The following CDH13 variants were observed in gnomAD, a reference collection of about 807,000 sequenced individuals.
CDH13 encodes cadherin 13.
A neutral mutation model predicts 63.8 loss-of-function variants in CDH13; 24 were observed. The observed-to-expected ratio is 0.38, with a 90% CI of 0.27 to 0.53. CDH13 has a LOEUF of 0.53. Ranked by LOEUF, CDH13 falls within the 20% of genes least tolerant of loss-of-function variation. The pLI, the probability that CDH13 is intolerant of heterozygous loss-of-function variation, is 0.85. For missense variants in CDH13, 1,049 were observed against 903.1 expected, an observed-to-expected ratio of 1.16 and a Z score of -2.07; for synonymous variants, 503 against 355.3, an observed-to-expected ratio of 1.42 and a Z score of -4.67.
chr16:82,628,613 T>A (rs982016500), intron 1 of CDH13, among the ~76,000 whole-genome samples: 2 of 152,196 alleles, frequency 1.3e-5, no homozygotes, highest in African/African-American at 2.4e-5. Flanking sequence ...GATTAAGGAC[T>A]GCCCAGTTAT....
intron 10 of CDH13, among the ~76,000 whole-genome samples, chr16:83,682,584 G>A (rs796766080): frequency 5.9e-5 from 9 of 152,118 alleles, no homozygotes; most frequent in African/African-American, 1.9e-4. Context: ...TTGGCTGTGC[G>A]GTCACCACAG....
chr16:83,567,164 A>T (rs1031623208), intron 7 of CDH13, among the ~76,000 whole-genome samples: 2 of 152,240 alleles, frequency 1.3e-5, no homozygotes, highest in Admixed American at 1.3e-4. Context: ...AGCCAGGCTT[A>T]GCTGCCACTC....
chr16:83,662,728 G>C (rs114405061), intron 8 of CDH13, among the ~76,000 whole-genome samples: 193 of 152,242 alleles, frequency 1.3e-3, no homozygotes, highest in African/African-American at 4.5e-3. Context: ...CCATCAAAGG[G>C]ACCACTCACC....
At chr16:82,672,643 C>T (rs1200295437) in intron 1 of CDH13, among the ~76,000 whole-genome samples, 1 of 152,108 alleles carries the variant, frequency 6.6e-6, no homozygotes, top group Non-Finnish European at 1.5e-5. Context: ...TTATTTCCTC[C>T]TCCATCTGCC....
At chr16:83,277,276 C>G (rs2089021566) in intron 5 of CDH13, among the ~76,000 whole-genome samples, 1 of 152,182 alleles carries the variant, frequency 6.6e-6, no homozygotes, top group Admixed American at 6.5e-5. Flanking sequence ...ATGTTTTCAC[C>G]TTCTCAGGGC....
intron 5 of CDH13, among the ~76,000 whole-genome samples, chr16:83,255,940 C>T (rs1050874582): frequency 6.6e-6 from 1 of 152,104 alleles, no homozygotes; most frequent in African/African-American, 2.4e-5. Context: ...GAGTTGGCAG[C>T]TTGATTATGG....
chr16:83,667,868 G>A (rs551904425), intron 8 of CDH13, among the ~76,000 whole-genome samples: 1 of 152,026 alleles, frequency 6.6e-6, no homozygotes, highest in Admixed American at 6.6e-5. Flanking sequence ...TCACTATGTT[G>A]CCCAGGCTCA....
chr16:83,692,446 A>C (rs1472122190), intron 10 of CDH13, among the ~76,000 whole-genome samples: 1 of 152,128 alleles, frequency 6.6e-6, no homozygotes, highest in African/African-American at 2.4e-5. Context: ...TGCCTGCTGG[A>C]CATCCACCTG....
chr16:83,133,963 C>T (rs1463747914), intron 4 of CDH13, among the ~76,000 whole-genome samples: 4 of 152,220 alleles, frequency 2.6e-5, no homozygotes, highest in African/African-American at 9.6e-5. Context: ...CAAATATTCT[C>T]TGAATTGAAT....
chr16:82,870,348 C>T (rs1180109179), intron 2 of CDH13, among the ~76,000 whole-genome samples: 2 of 152,042 alleles, frequency 1.3e-5, no homozygotes, highest in Non-Finnish European at 2.9e-5. Flanking sequence ...GAAAAGGAAA[C>T]CCTCATACAC....
chr16:82,737,592 G>A (rs936438465), intron 1 of CDH13, among the ~76,000 whole-genome samples: 6 of 152,216 alleles, frequency 3.9e-5, no homozygotes, highest in African/African-American at 1.4e-4. Context: ...TGCAGAGAAG[G>A]TTTATAGTGT....
At chr16:82,846,642 C>G (rs183538434) in intron 1 of CDH13, among the ~76,000 whole-genome samples, 30 of 152,316 alleles carry the variant, frequency 2.0e-4, no homozygotes, top group Middle Eastern at 6.8e-3. Context: ...TTAACTGATT[C>G]TCAATGTATA....
intron 7 of CDH13, among the ~76,000 whole-genome samples, chr16:83,577,329 C>T (rs1219284932): frequency 1.3e-5 from 2 of 152,196 alleles, no homozygotes; most frequent in Non-Finnish European, 2.9e-5. Flanking sequence ...TGAGGTTTCC[C>T]AGCACGTCCT....
chr16:83,118,591 C>G (rs1467350056), intron 3 of CDH13, among the ~76,000 whole-genome samples: 5 of 152,214 alleles, frequency 3.3e-5, no homozygotes, highest in Non-Finnish European at 7.3e-5. Flanking sequence ...GGCTCACCCT[C>G]ATTTTCTCAC....
At chr16:83,689,383 C>T (rs888152069) in intron 10 of CDH13, among the ~76,000 whole-genome samples, 1 of 152,106 alleles carries the variant, frequency 6.6e-6, no homozygotes, top group African/African-American at 2.4e-5. Flanking sequence ...AGGATTGCAA[C>T]AGAAGTCAGT....
intron 6 of CDH13, among the ~76,000 whole-genome samples, chr16:83,350,786 G>C (rs961392272): frequency 6.6e-6 from 1 of 152,218 alleles, no homozygotes; most frequent in African/African-American, 2.4e-5. Flanking sequence ...GTCTTGTAGT[G>C]AGATAGGAGG....
At chr16:83,472,632 C>A (rs1174341132) in intron 6 of CDH13, among the ~76,000 whole-genome samples, 1 of 152,180 alleles carries the variant, frequency 6.6e-6, no homozygotes, top group African/African-American at 2.4e-5. Context: ...GGTCTCTCTT[C>A]TGCCAGGTTG....
At chr16:82,787,348 G>A (rs1485309442) in intron 1 of CDH13, among the ~76,000 whole-genome samples, 1 of 152,192 alleles carries the variant, frequency 6.6e-6, no homozygotes, top group East Asian at 1.9e-4. Context: ...ATCTCAAACA[G>A]CAGCACATAT....
intron 10 of CDH13, among the ~76,000 whole-genome samples, chr16:83,746,283 A>G (rs554214389): frequency 3.3e-5 from 5 of 152,062 alleles, no homozygotes; most frequent in Non-Finnish European, 5.9e-5. Context: ...TGGCTGCAGC[A>G]TTCCTTGGTT....
Sources: gnomAD v4.1 joint callset for allele counts (sites outside exome capture counted in the v4.1 genomes callset) on GRCh38, gnomAD v4.1.1 for gene constraint, MANE v1.5 for transcripts, NCBI Gene and HGNC (gene_info 2026-07-23, HGNC 2026-07-21) for gene names.